Variants in PNLIPRP3 observed in about 807,000 individuals in gnomAD.
PNLIPRP3 encodes pancreatic lipase-related protein 3.
In PNLIPRP3, 58 loss-of-function variants were observed where a neutral mutation model predicts 52.8. That is an observed-to-expected ratio of 1.10 (90% CI 0.89 to 1.37). PNLIPRP3 has a LOEUF of 1.37. PNLIPRP3 is among the 40% of genes most tolerant of loss of function. The pLI, the probability that PNLIPRP3 is intolerant of heterozygous loss-of-function variation, is 0.00. For synonymous variants in PNLIPRP3, 192 were observed against 185.0 expected (o/e 1.04, Z -0.31); for missense variants, 593 against 561.6 (o/e 1.06, Z -0.57).
intron 4 of PNLIPRP3, among the ~76,000 whole-genome samples, chr10:116,445,848 T>C (rs1313926332): frequency 6.6e-6 from 1 of 152,158 alleles, no homozygotes; most frequent in African/African-American, 2.4e-5. Context: ...GCTGAGTCTC[T>C]TCTCCACCTC....
chr10:116,477,844 C>T lies in PNLIPRP3; in HGVS notation c.*691C>T, dbSNP rs7898331. 127,566 of 152,092 alleles carry T rather than the reference C, an allele frequency of 0.84. 54,788 individuals carry two copies. Among genetic ancestry groups the T allele is most frequent in the Non-Finnish European group, 0.94 (63,667 of 68,032 alleles). The allele number at this position is 152,092 out of a possible 1,614,324, so 9.4% of individuals were successfully genotyped here. ...CTGCCACAGGAGAATTACTCCTCTC[C>T]CTGGGTCTTGAATGCTCTATGGTGA... On this transcript the variant is annotated 3_prime_UTR_variant, in exon 12 of 12. Coordinates refer to ENST00000369230, the MANE Select transcript of PNLIPRP3 (RefSeq NM_001011709.3).
intron 1 of PNLIPRP3, among the ~76,000 whole-genome samples, chr10:116,431,854 T>C (rs911049271): frequency 6.6e-6 from 1 of 152,128 alleles, no homozygotes; most frequent in African/African-American, 2.4e-5. Context: ...TTGCAGAGTC[T>C]TGTGCTTTCC....
At position 116,455,870 on chromosome 10, in the gene PNLIPRP3, T is replaced by C. The variant is rs201999241; in HGVS notation, c.565+40T>C. 511 of 1,426,916 alleles carry C rather than the reference T, an allele frequency of 3.6e-4. 1 individual carries two copies. The highest frequency in any genetic ancestry group is 4.4e-4 in the Non-Finnish European group (450 of 1,012,614). The allele number at this position is 1,426,916 out of a possible 1,614,324, so 88.4% of individuals were successfully genotyped here. A position where few individuals can be genotyped will look rare whatever the true frequency, so the allele number is the denominator to read the frequency against. ...CAGTTGGGCCTTGAGTGTGTTTAAATATTGTTTACACACACTACCAAGTAT... is the reference window on the plus strand; with the variant it reads ...CAGTTGGGCCTTGAGTGTGTTTAAACATTGTTTACACACACTACCAAGTAT... On this transcript the variant is annotated intron_variant, in intron 5 of 11. Coordinates refer to ENST00000369230, the MANE Select transcript of PNLIPRP3 (RefSeq NM_001011709.3).
At chr10:116,467,455 C>T (rs1482398568) in intron 8 of PNLIPRP3, among the ~76,000 whole-genome samples, 1 of 152,084 alleles carries the variant, frequency 6.6e-6, no homozygotes, top group East Asian at 1.9e-4. Flanking sequence ...GCCTAAATGT[C>T]TATGGTTTAT....
chr10:116,458,465 T>A (rs1214318357), intron 5 of PNLIPRP3, among the ~76,000 whole-genome samples: 1 of 151,562 alleles, frequency 6.6e-6, no homozygotes, highest in East Asian at 1.9e-4. Flanking sequence ...TTTTTTTTTT[T>A]TAATCTGATT....
chr10:116,476,929 A>T (rs2133165018), intron 11 of PNLIPRP3, 110 bp downstream of exon 11: 1 of 1,286,436 alleles, frequency 7.8e-7, no homozygotes, highest in East Asian at 2.5e-5. Context: ...ATAGACTTTG[A>T]AATTTTGCAA....
chr10:116,429,036 G>C (rs1276339291), intron 1 of PNLIPRP3, among the ~76,000 whole-genome samples: 2 of 151,898 alleles, frequency 1.3e-5, no homozygotes, highest in African/African-American at 4.8e-5. Context: ...AAAATTATAG[G>C]GTTGTGCCAA....
At chr10:116,459,404 T>G (rs1021512541) in intron 5 of PNLIPRP3, among the ~76,000 whole-genome samples, 4 of 152,080 alleles carry the variant, frequency 2.6e-5, no homozygotes, top group Admixed American at 6.6e-5. Flanking sequence ...GCAATGCTAC[T>G]CTGCATCCTT....
intron 4 of PNLIPRP3, among the ~76,000 whole-genome samples, chr10:116,446,173 C>G (rs975623704): frequency 6.6e-5 from 10 of 151,894 alleles, no homozygotes; most frequent in Non-Finnish European, 1.3e-4. Context: ...AATGAAACCC[C>G]GTCTTTACTA....
At chr10:116,440,734 G>A (rs1178341434) in intron 2 of PNLIPRP3, among the ~76,000 whole-genome samples, 5 of 152,106 alleles carry the variant, frequency 3.3e-5, no homozygotes, top group South Asian at 2.1e-4. Flanking sequence ...AAAACCAACC[G>A]ACTTCCCCCA....
At position 116,469,121 on chromosome 10, in the gene PNLIPRP3, C is replaced by T. The variant is rs149918361; in HGVS notation, c.928-64C>T. On this transcript the variant is annotated intron_variant, in intron 8 of 11. Coordinates refer to ENST00000369230, the MANE Select transcript of PNLIPRP3 (RefSeq NM_001011709.3). ...TTTATTATTATTTAATAATATATAG[C>T]GAGTTTATTGAAGGACAACATTTCT... The T allele has an allele frequency of 9.4e-5, 135 of 1,429,262 alleles. No homozygotes were observed. The Middle Eastern group carries it at 2.2e-3, about 23-fold the overall frequency. 88.5% of individuals were successfully genotyped at this position (1,429,262 alleles called of 1,614,324 possible). A position where few individuals can be genotyped will look rare whatever the true frequency, so the allele number is the denominator to read the frequency against.
At chr10:116,440,687 A>G (rs1182265331) in intron 2 of PNLIPRP3, among the ~76,000 whole-genome samples, 1 of 152,172 alleles carries the variant, frequency 6.6e-6, no homozygotes, top group African/African-American at 2.4e-5. Flanking sequence ...GGTCTTCTGG[A>G]GGTCACAGGT....
chr10:116,461,214 T>C lies in PNLIPRP3; in HGVS notation c.732T>C (p.Asn244=), dbSNP rs1347041779. 5.0e-6 allele frequency: 8 copies of C among 1,613,964 alleles called. No individual in the cohort carries two copies. Among genetic ancestry groups the C allele is most frequent in the African/African-American group, 1.3e-5 (1 of 74,924 alleles). The change falls in exon 7 of 12, where the codon AAT becomes AAC. Residue 244 remains asparagine (N), a synonymous_variant. Transcript: ENST00000369230. ...DACGHLDFYP[N]GGKHMPGCED... ...GTGGTCATCTTGACTTTTACCCAAA[T>C]GGAGGGAAGCACATGCCAGGATGTG...
intron 4 of PNLIPRP3, among the ~76,000 whole-genome samples, chr10:116,446,181 C>T (rs921401637): frequency 6.6e-6 from 1 of 151,790 alleles, no homozygotes; most frequent in Admixed American, 6.6e-5. Flanking sequence ...CCCGTCTTTA[C>T]TAAAAATACA....
At chr10:116,429,674 G>A (rs939366840) in intron 1 of PNLIPRP3, among the ~76,000 whole-genome samples, 2 of 152,166 alleles carry the variant, frequency 1.3e-5, no homozygotes, top group Non-Finnish European at 2.9e-5. Context: ...TCCTGCCCCA[G>A]GACAGTCCTA....
At chr10:116,469,746 G>T (rs1846336676) in intron 9 of PNLIPRP3, among the ~76,000 whole-genome samples, 1 of 152,216 alleles carries the variant, frequency 6.6e-6, no homozygotes, top group Non-Finnish European at 1.5e-5. Flanking sequence ...AGTGATAGCA[G>T]ATGAAGTGGG....
chr10:116,467,986 G>A (rs574347005), intron 8 of PNLIPRP3, among the ~76,000 whole-genome samples: 4 of 151,672 alleles, frequency 2.6e-5, no homozygotes, highest in African/African-American at 4.8e-5. Context: ...TTAGCCGGGC[G>A]TGGTGGCGGG....
intron 1 of PNLIPRP3, among the ~76,000 whole-genome samples, chr10:116,429,312 A>G (rs1845677717): frequency 6.6e-6 from 1 of 152,308 alleles, no homozygotes; most frequent in South Asian, 2.1e-4. Context: ...TATTGTGTAT[A>G]TGCAAACATT....
At chr10:116,457,475 G>A (rs1033690700) in intron 5 of PNLIPRP3, among the ~76,000 whole-genome samples, 10 of 152,058 alleles carry the variant, frequency 6.6e-5, no homozygotes, top group African/African-American at 2.2e-4. Flanking sequence ...TTTTGTCTCT[G>A]CAATCTGTTG....
Sources: gnomAD v4.1 joint callset for allele counts (sites outside exome capture counted in the v4.1 genomes callset) on GRCh38, gnomAD v4.1.1 for gene constraint, MANE v1.5 for transcripts, NCBI Gene and HGNC (gene_info 2026-07-23, HGNC 2026-07-21) for gene names.